Variants in FRMD8 observed in about 807,000 individuals in gnomAD.
FRMD8 encodes FERM domain-containing protein 8.
Under a neutral mutation model 54.2 loss-of-function variants are expected in FRMD8, and 37 were observed. The observed-to-expected ratio is 0.68, with a 90% CI of 0.53 to 0.90. The LOEUF is 0.90. Among genes scored for constraint, FRMD8 ranks in the 40% least tolerant of loss-of-function variants. The pLI is 0.00. For synonymous variants in FRMD8, 246 were observed against 286.9 expected, an observed-to-expected ratio of 0.86 and a Z score of 1.44; for missense variants, 585 against 653.7, an observed-to-expected ratio of 0.89 and a Z score of 1.15.
At position 65,400,672 on chromosome 11, in the gene FRMD8, A is replaced by G. The variant is rs1856055103; in HGVS notation, c.928-52A>G. On this transcript the variant is annotated intron_variant, in intron 8 of 10. Coordinates refer to ENST00000317568, the MANE Select transcript of FRMD8 (RefSeq NM_031904.5). The surrounding 1 kb of genome is among the most constrained non-coding windows in gnomAD (Gnocchi z 4.3). ...GGTGTCTGAGTGGGATGGGGTGGGG[A>G]GCAGACCTCTGCCCAGGGGTCAAGC... 1.3e-6 allele frequency: 2 copies of G among 1,495,034 alleles called. No homozygotes were observed. The highest frequency in any genetic ancestry group is 8.9e-7 in the Non-Finnish European group (1 of 1,119,002). The allele number at this position is 1,495,034 out of a possible 1,614,324, so 92.6% of individuals were successfully genotyped here.
At chr11:65,410,317 G>A (rs1370139543) in intron 10 of FRMD8, among the ~76,000 whole-genome samples, 2 of 151,930 alleles carry the variant, frequency 1.3e-5, no homozygotes, top group African/African-American at 4.8e-5. Context: ...CCAGCATGGT[G>A]AAACCCCGTC....
upstream of FRMD8, chr11:65,382,281 GCTGC>G: frequency 2.5e-6 from 1 of 406,996 alleles, no homozygotes; most frequent in South Asian, 2.7e-5. This position sits in a 1 kb window ranked among gnomAD's most constrained non-coding sequence, Gnocchi z 4.4. Context: ...CCCCTCCAGG[GCTGC>G]CTTAGTCAGC....
At chr11:65,411,188 C>A (rs1350900737) in intron 10 of FRMD8, 54 bp from the exon 11 acceptor site, 2 of 1,431,002 alleles carry the variant, frequency 1.4e-6, no homozygotes, top group Non-Finnish European at 1.9e-6. Context: ...GGGCCTGAGC[C>A]CCCTCACACA....
chr11:65,406,017 T>C (rs1856188357), intron 10 of FRMD8, among the ~76,000 whole-genome samples: 1 of 151,630 alleles, frequency 6.6e-6, no homozygotes, highest in African/African-American at 2.4e-5. Context: ...ATATATTTTT[T>C]TTAATTAATT....
intron 9 of FRMD8, among the ~76,000 whole-genome samples, chr11:65,402,587 T>C (rs1856106047): frequency 6.6e-6 from 1 of 152,202 alleles, no homozygotes; most frequent in Admixed American, 6.5e-5. Context: ...ATAGAAGTTT[T>C]AGAATCAGCT....
chr11:65,397,094 T>C, intron 7 of FRMD8, 74 bp downstream of exon 7: 3 of 803,126 alleles, frequency 3.7e-6, no homozygotes, highest in Non-Finnish European at 5.6e-6. Flanking sequence ...CAGCTGCCAG[T>C]GAGCCCACCT....
At chr11:65,406,628 C>T (rs943593344) in intron 10 of FRMD8, among the ~76,000 whole-genome samples, 15 of 151,640 alleles carry the variant, frequency 9.9e-5, no homozygotes, top group Admixed American at 1.3e-4. Context: ...ACACCAAGCC[C>T]GAGACCCTGT....
At chr11:65,384,401 C>T (rs1372902775), upstream of FRMD8, among the ~76,000 whole-genome samples, 1 of 152,128 alleles carries the variant, frequency 6.6e-6, no homozygotes, top group East Asian at 1.9e-4. Flanking sequence ...CAGTGCCCCT[C>T]CTTGACTAGA....
rs1330443616 is a variant in FRMD8 at position 65,404,541 on chromosome 11, C to G, written c.1072-323C>G. On this transcript the variant is annotated intron_variant, in intron 9 of 10. Coordinates refer to ENST00000317568, the MANE Select transcript of FRMD8 (RefSeq NM_031904.5). The surrounding 1 kb of genome is among the most constrained non-coding windows in gnomAD (Gnocchi z 4.7). ...GCCCCGCTTCCCCACTCTTCGTCCT[C>G]TCTGCAGCAGCTGGCTCCCTACCCC... 2.0e-5 allele frequency among the ~76,000 whole-genome samples: 3 copies of G among 151,184 alleles called. No individual in the cohort carries two copies. The highest frequency in any genetic ancestry group is 4.4e-5 in the Non-Finnish European group (3 of 67,820).
At chr11:65,394,207 T>C (rs1250569186) in intron 5 of FRMD8, 52 bp from the exon 6 acceptor site, 8 of 1,591,854 alleles carry the variant, frequency 5.0e-6, no homozygotes, top group Non-Finnish European at 6.8e-6. Context: ...ACTGAGCAGC[T>C]CTCCCTGCCC....
rs759983266 is a variant in FRMD8, at chr11:65,405,033, T to C, written c.1241T>C (p.Ile414Thr). The change falls in exon 10 of 11, where the codon ATC (isoleucine) becomes ACC (threonine). Residue 414 changes from isoleucine (I) to threonine (T), a missense_variant. Ile to Thr is a moderately conservative substitution (Grantham distance 89). Coordinates refer to ENST00000317568, the MANE Select transcript of FRMD8 (RefSeq NM_031904.5). ...CAGGGCAGTGTGGTGTCCAGCCGGA[T>C]CCAGCATCTCTCCACCATCGACTAC... ...RRQGSVVSSR[I>T]QHLSTIDYVE... The C allele has an allele frequency of 6.2e-7, 1 of 1,613,494 alleles. No homozygotes were observed. Among genetic ancestry groups the C allele is most frequent in the Admixed American group, 1.7e-5 (1 of 60,032 alleles).
chr11:65,382,230 C>G, upstream of FRMD8: 1 of 521,174 alleles, frequency 1.9e-6, no homozygotes, highest in Non-Finnish European at 3.5e-6. The surrounding 1 kb of genome is among the most constrained non-coding windows in gnomAD (Gnocchi z 4.4). Flanking sequence ...CAATGATCCT[C>G]GCTCTGAGGA....
intron 9 of FRMD8, among the ~76,000 whole-genome samples, chr11:65,402,855 T>C (rs936176355): frequency 2.0e-5 from 3 of 152,164 alleles, no homozygotes; most frequent in African/African-American, 7.2e-5. Context: ...AATGGCACTG[T>C]TTTTAATTTC....
chr11:65,396,993 T>C lies in FRMD8; in HGVS notation c.776T>C (p.Leu259Pro). 1 of 1,467,602 alleles carries C rather than the reference T, an allele frequency of 6.8e-7. No homozygotes were observed. The allele number at this position is 1,467,602 out of a possible 1,614,324, so 90.9% of individuals were successfully genotyped here. The change falls in exon 7 of 11, where the codon CTC (leucine) becomes CCC (proline). Residue 259 changes from leucine (L) to proline (P), a missense_variant. Coordinates refer to ENST00000317568, the MANE Select transcript of FRMD8 (RefSeq NM_031904.5). ...GGCACCCACTACCGCGCCTATCTCC[T>C]CAAGTGCCACGAGCTGCCGTTTTAT... The part of the protein sequence containing the change: ...ALGTHYRAYL[L>P]KCHELPFYGC...
chr11:65,379,805 G>A, the FRMD8 span: 1 of 1,591,958 alleles, frequency 6.3e-7, no homozygotes, highest in Non-Finnish European at 8.6e-7. Flanking sequence ...AGGGAAGCTG[G>A]TACCAACAGC....
chr11:65,393,503 G>A lies in FRMD8; in HGVS notation c.254-70G>A, dbSNP rs1590649803. On this transcript the variant is annotated intron_variant, in intron 3 of 10. Transcript: ENST00000317568. ...TGCGACTGTCGTCATGCTGTGCGGT[G>A]TGATAGGTGGAAGGGCAGCCACTGG... 22 of 1,155,026 alleles carry A rather than the reference G, an allele frequency of 1.9e-5. No homozygotes were observed. In the East Asian group the frequency reaches 4.9e-4, roughly 26 times the overall value. 71.5% of individuals were successfully genotyped at this position (1,155,026 alleles called of 1,614,324 possible).
In FRMD8 at chr11:65,400,705, T is replaced by C; in HGVS notation, c.928-19T>C. ...TCTGCCCAGGGGTCAAGCCTGGCTCTGTGTCTCCTGCTGGCCAGCATGTCC... is the reference window on the plus strand; with the variant it reads ...TCTGCCCAGGGGTCAAGCCTGGCTCCGTGTCTCCTGCTGGCCAGCATGTCC... On this transcript the variant is annotated intron_variant, in intron 8 of 10. Coordinates refer to ENST00000317568, the MANE Select transcript of FRMD8 (RefSeq NM_031904.5). The surrounding 1 kb of genome is among the most constrained non-coding windows in gnomAD (Gnocchi z 4.3). 1 of 1,561,372 alleles carries C rather than the reference T, an allele frequency of 6.4e-7. No homozygotes were observed. The highest frequency in any genetic ancestry group is 8.7e-7 in the Non-Finnish European group (1 of 1,154,664).
intron 3 of FRMD8, among the ~76,000 whole-genome samples, chr11:65,391,681 T>G (rs1432522269): frequency 6.6e-6 from 1 of 152,074 alleles, no homozygotes; most frequent in Non-Finnish European, 1.5e-5. Context: ...TGGCTAATTT[T>G]TGTATTTTTA....
upstream of FRMD8, chr11:65,381,823 C>T: frequency 1.3e-6 from 2 of 1,536,762 alleles, no homozygotes; most frequent in South Asian, 2.2e-5. Flanking sequence ...GGAACTCAGA[C>T]TTTGGTCTCT....
Sources: gnomAD v4.1 joint callset for allele counts (sites outside exome capture counted in the v4.1 genomes callset) on GRCh38, gnomAD v4.1.1 for gene constraint, Gnocchi (gnomAD v3.1) non-coding constraint, MANE v1.5 for transcripts, NCBI Gene and HGNC (gene_info 2026-07-23, HGNC 2026-07-21) for gene names.